The following LRRC69 variants were observed in gnomAD, a reference collection of about 807,000 sequenced individuals.
LRRC69 encodes leucine-rich repeat-containing protein 69.
In LRRC69, 42 loss-of-function variants were observed where a neutral mutation model predicts 37.8. The ratio of observed to expected loss-of-function variants is 1.11; its 90% CI spans 0.87 to 1.44. The LOEUF (loss-of-function observed/expected upper bound fraction) is 1.44, where lower values mean the gene tolerates loss of function less well. LRRC69 is among the 40% of genes most tolerant of loss of function. LRRC69 has a pLI of 0.00. For missense variants in LRRC69, 357 were observed against 401.9 expected (o/e 0.89, Z 0.96); for synonymous variants, 141 against 143.1 (o/e 0.99, Z 0.11).
intron 5 of LRRC69, among the ~76,000 whole-genome samples, chr8:91,164,495 A>G (rs1808996334): frequency 6.6e-6 from 1 of 151,654 alleles, no homozygotes; most frequent in South Asian, 2.1e-4. Flanking sequence ...TCTGGGGTAT[A>G]CTCAGAATGG....
At chr8:91,173,344 G>C (rs1204158190) in intron 5 of LRRC69, among the ~76,000 whole-genome samples, 2 of 151,940 alleles carry the variant, frequency 1.3e-5, no homozygotes, top group African/African-American at 4.8e-5. Flanking sequence ...ATTCATCCTG[G>C]GTCAATGCTT....
At chr8:91,199,289 G>A (rs1272802238) in intron 6 of LRRC69, among the ~76,000 whole-genome samples, 1 of 152,218 alleles carries the variant, frequency 6.6e-6, no homozygotes, top group Admixed American at 6.5e-5. Flanking sequence ...ATATTAGTGT[G>A]AAAGCATGAC....
intron 1 of LRRC69, chr8:91,118,077 A>G: frequency 2.3e-6 from 1 of 432,108 alleles, no homozygotes; most frequent in South Asian, 1.6e-5. Flanking sequence ...AGAGAGCCTA[A>G]ATACTAAAAA....
chr8:91,206,032 C>G (rs1809798628), intron 7 of LRRC69, among the ~76,000 whole-genome samples: 1 of 152,190 alleles, frequency 6.6e-6, no homozygotes, highest in Non-Finnish European at 1.5e-5. Flanking sequence ...GTGTCTGTCT[C>G]TACCACTGAA....
rs186268404 is a variant in LRRC69 at position 91,105,139 on chromosome 8, T to C, written c.183+2295T>C. On this transcript the variant is annotated intron_variant, in intron 1 of 7. Coordinates refer to ENST00000448384, the Ensembl canonical transcript of LRRC69. ...TTGCAACTAGGCTGCTTATAGTCTATTCTGTCTTTAAAGTACTTTAAAAGT... is the reference window on the plus strand; with the variant it reads ...TTGCAACTAGGCTGCTTATAGTCTACTCTGTCTTTAAAGTACTTTAAAAGT... Among the ~76,000 whole-genome samples the C allele has an allele frequency of 3.8e-4, 58 of 152,152 alleles. 1 individual carries two copies. Among genetic ancestry groups the C allele is most frequent in the Non-Finnish European group, 6.2e-4 (42 of 68,020 alleles).
At chr8:91,135,343 TAAAG>T (rs1813890333) in intron 4 of LRRC69, among the ~76,000 whole-genome samples, 2 of 151,992 alleles carry the variant, frequency 1.3e-5, no homozygotes, top group African/African-American at 2.4e-5. Flanking sequence ...ATTTTACAAA[TAAAG>T]AAATTGAAGT....
intron 6 of LRRC69, among the ~76,000 whole-genome samples, chr8:91,196,106 CTTA>C (rs1044857714): frequency 1.3e-5 from 2 of 151,544 alleles, no homozygotes; most frequent in African/African-American, 2.4e-5. Context: ...ACTTATGAAG[CTTA>C]GTTTGGCTGG....
intron 2 of LRRC69, 142 bp downstream of exon 2, chr8:91,124,761 G>GAGGAGACAACACTTTTAAAAAAGT: frequency 3.1e-6 from 2 of 653,334 alleles, no homozygotes; most frequent in Non-Finnish European, 4.9e-6. Flanking sequence ...TGAAATATAG[G>GAGGAGACAACACTTTTAAAAAAGT]AGGAGACAAC....
chr8:91,134,672 A>G (rs923491371), intron 4 of LRRC69, among the ~76,000 whole-genome samples: 2 of 151,944 alleles, frequency 1.3e-5, no homozygotes, highest in Non-Finnish European at 2.9e-5. Context: ...TGACACCTAA[A>G]ATTAACCATC....
intron 1 of LRRC69, among the ~76,000 whole-genome samples, chr8:91,107,462 TACCA>T: frequency 6.6e-6 from 1 of 152,076 alleles, no homozygotes; most frequent in Non-Finnish European, 1.5e-5. Flanking sequence ...AACAAATATT[TACCA>T]TTCATTTTCT....
intron 5 of LRRC69, among the ~76,000 whole-genome samples, chr8:91,180,277 G>A (rs1406361631): frequency 6.6e-6 from 1 of 152,114 alleles, no homozygotes; most frequent in African/African-American, 2.4e-5. Context: ...CTTGACTGGA[G>A]CTGGAGGATC....
intron 5 of LRRC69, among the ~76,000 whole-genome samples, chr8:91,149,807 T>C (rs1456296087): frequency 6.6e-6 from 1 of 152,022 alleles, no homozygotes; most frequent in African/African-American, 2.4e-5. Context: ...TCACGTCCCT[T>C]GTAAGTTGGA....
At chr8:91,124,758 T>C (rs1375787124) in intron 2 of LRRC69, 139 bp downstream of exon 2, 1 of 671,090 alleles carries the variant, frequency 1.5e-6, no homozygotes, top group East Asian at 3.1e-5. Flanking sequence ...TCTTGAAATA[T>C]AGGAGGAGAC....
intron 1 of LRRC69, among the ~76,000 whole-genome samples, chr8:91,114,649 A>G (rs539095714): frequency 1.1e-3 from 160 of 152,160 alleles, no homozygotes; most frequent in African/African-American, 3.4e-3. Context: ...CAGTACAGTA[A>G]CATGCTGTAT....
At chr8:91,133,225 T>G (rs1322127284) in exon 4 of LRRC69, 5 of 1,541,838 alleles carry the variant, frequency 3.2e-6, no homozygotes, top group Non-Finnish European at 4.4e-6. Flanking sequence ...TCAGCTGATA[T>G]GCATACCTGA....
chr8:91,166,999 A>C (rs10091375), intron 5 of LRRC69, among the ~76,000 whole-genome samples: 1 of 151,732 alleles, frequency 6.6e-6, no homozygotes, highest in East Asian at 1.9e-4. Context: ...TTTTAGTTAC[A>C]GTTTTTGCCC....
intron 6 of LRRC69, among the ~76,000 whole-genome samples, chr8:91,191,105 T>C (rs1809488974): frequency 6.9e-6 from 1 of 144,554 alleles, no homozygotes. Context: ...ACCATTCTCA[T>C]AGTACATTTT....
At chr8:91,201,869 A>G (rs1298833326) in intron 7 of LRRC69, among the ~76,000 whole-genome samples, 2 of 152,214 alleles carry the variant, frequency 1.3e-5, no homozygotes, top group African/African-American at 4.8e-5. Flanking sequence ...TTAGTTTGCT[A>G]GGGCTGACCT....
chr8:91,169,547 T>G (rs1809088713), intron 5 of LRRC69, among the ~76,000 whole-genome samples: 1 of 151,588 alleles, frequency 6.6e-6, no homozygotes, highest in African/African-American at 2.4e-5. Flanking sequence ...ATACCTTAAG[T>G]TTTAGGGTAC....
Sources: allele counts gnomAD v4.1 joint callset (sites outside exome capture counted in the v4.1 genomes callset), GRCh38; gene constraint gnomAD v4.1.1; transcripts MANE v1.5; gene names NCBI Gene and HGNC (gene_info 2026-07-23, HGNC 2026-07-21).